SLC48A1: variants seen among roughly 807,000 people sequenced by gnomAD.
The protein encoded by SLC48A1 is solute carrier family 48 member 1, also known as heme transporter HRG1.
SLC48A1 carries 6 observed loss-of-function variants against 14.8 expected under a neutral mutation model. The observed-to-expected ratio is 0.41, with a 90% CI of 0.22 to 0.80. SLC48A1 has a LOEUF of 0.80. SLC48A1 is among the 30% of genes least tolerant of loss of function. SLC48A1 has a pLI of 0.34. For missense variants in SLC48A1, 165 were observed against 204.8 expected (o/e 0.81, Z 1.19); for synonymous variants, 89 against 90.0 (o/e 0.99, Z 0.06).
chr12:47,773,215 C>T (rs866458705), upstream of SLC48A1: 1 of 1,070,926 alleles, frequency 9.3e-7, no homozygotes. Context: ...GCTGCTCTGG[C>T]GGCTCCCGCG....
At chr12:47,761,686 C>T (rs1160537361) in intron 2 of SLC48A1, among the ~76,000 whole-genome samples, 1 of 152,188 alleles carries the variant, frequency 6.6e-6, no homozygotes, top group Non-Finnish European at 1.5e-5. Flanking sequence ...ACAATCATGC[C>T]ATGTCCTGGT....
At chr12:47,776,803 A>T (rs1448595720) in intron 1 of SLC48A1, among the ~76,000 whole-genome samples, 1 of 152,206 alleles carries the variant, frequency 6.6e-6, no homozygotes, top group Non-Finnish European at 1.5e-5. Context: ...GATCGTGGCC[A>T]GTGGACTAAG....
rs1942695078 is a variant in SLC48A1 at position 47,774,358 on chromosome 12, CCTTA to C, written c.136+920_136+923del. 4.6e-5 allele frequency among the ~76,000 whole-genome samples: 7 copies of C among 152,300 alleles called. No homozygotes were observed. In the South Asian group the frequency reaches 1.5e-3, roughly 32 times the overall value. On this transcript the variant is annotated intron_variant, in intron 1 of 2. Coordinates refer to ENST00000442218, the MANE Select transcript of SLC48A1 (RefSeq NM_017842.3). ...ACCTGCTTCCCTTATTTCATTTAATCCTTACATTAGTCTCATGAAGTAGGCCTTA... is the reference window on the plus strand; with the variant it reads ...ACCTGCTTCCCTTATTTCATTTAATCCATTAGTCTCATGAAGTAGGCCTTA...
chr12:47,780,686 C>T lies in SLC48A1; in HGVS notation c.*405C>T. 2.5e-6 allele frequency: 1 copy of T among 403,294 alleles called. No individual in the cohort carries two copies. The allele number at this position is 403,294 out of a possible 1,614,324, so 25.0% of individuals were successfully genotyped here. Reference sequence around the variant, plus strand: ...GGTTCAAGCAATTCTCCTGCCTTGGCCTCTCAAGTAGCTGGGATTACAGGC... The same window carrying T: ...GGTTCAAGCAATTCTCCTGCCTTGGTCTCTCAAGTAGCTGGGATTACAGGC... On this transcript the variant is annotated 3_prime_UTR_variant, in exon 3 of 3. Coordinates refer to ENST00000442218, the MANE Select transcript of SLC48A1 (RefSeq NM_017842.3).
chr12:47,756,941 C>G (rs1476233469), upstream of SLC48A1, among the ~76,000 whole-genome samples: 1 of 151,244 alleles, frequency 6.6e-6, no homozygotes, highest in Non-Finnish European at 1.5e-5. Context: ...TGCACTCCAG[C>G]CTGGTGACAG....
At chr12:47,754,406 T>C (rs1198201734), upstream of SLC48A1, among the ~76,000 whole-genome samples, 1 of 152,208 alleles carries the variant, frequency 6.6e-6, no homozygotes, top group African/African-American at 2.4e-5. Context: ...GCCAACCTTC[T>C]AGGATGGGGC....
chr12:47,761,356 T>C (rs1942376516), intron 2 of SLC48A1, among the ~76,000 whole-genome samples: 1 of 152,350 alleles, frequency 6.6e-6, no homozygotes, highest in South Asian at 2.1e-4. Context: ...GCCTTTCTTT[T>C]TTCCATTTCT....
chr12:47,762,497 C>A (rs769249229), intron 2 of SLC48A1, among the ~76,000 whole-genome samples: 65 of 152,240 alleles, frequency 4.3e-4, no homozygotes, highest in Non-Finnish European at 2.6e-4. Context: ...CGGCTTGATT[C>A]AACCAGTGAA....
upstream of SLC48A1, chr12:47,758,269 T>C: frequency 7.0e-7 from 1 of 1,431,906 alleles, no homozygotes; most frequent in Non-Finnish European, 9.1e-7. Flanking sequence ...CTGGCGCACT[T>C]AGGGGTCTCC....
chr12:47,775,804 G>A (rs1942740845), intron 1 of SLC48A1, among the ~76,000 whole-genome samples: 1 of 152,142 alleles, frequency 6.6e-6, no homozygotes, highest in Admixed American at 6.5e-5. Context: ...AGTGTTCACG[G>A]GTGGGGATAC....
At chr12:47,756,707 A>G (rs1942074672), upstream of SLC48A1, among the ~76,000 whole-genome samples, 1 of 152,194 alleles carries the variant, frequency 6.6e-6, no homozygotes, top group Non-Finnish European at 1.5e-5. Context: ...GCAATGGCTC[A>G]TGCTTGTAAT....
chr12:47,759,309 A>G (rs1942291796), intron 1 of SLC48A1, among the ~76,000 whole-genome samples: 2 of 152,288 alleles, frequency 1.3e-5, no homozygotes, highest in Admixed American at 1.3e-4. Context: ...GTTTCGGTTC[A>G]GGGTCTCCAG....
rs1289586526 is a variant in SLC48A1, at chr12:47,777,553, C to T, written c.137-1475C>T. On this transcript the variant is annotated intron_variant, in intron 1 of 2. Coordinates refer to ENST00000442218, the MANE Select transcript of SLC48A1 (RefSeq NM_017842.3). This position sits in a 1 kb window ranked among gnomAD's most constrained non-coding sequence, Gnocchi z 4.5. ...CTCCTGGTTTCTTGGCTTGGAGTCT[C>T]ATGGGTTTTTGTTCCTCACTGGACT... 6.6e-6 allele frequency among the ~76,000 whole-genome samples: 1 copy of T among 152,236 alleles called. No homozygotes were observed. The highest frequency in any genetic ancestry group is 1.5e-5 in the Non-Finnish European group (1 of 68,052).
Position 47,777,129 on chromosome 12 carries a change from G to A in SLC48A1, c.137-1899G>A, listed in dbSNP as rs1400568996. Among the ~76,000 whole-genome samples the A allele has an allele frequency of 6.6e-6, 1 of 152,140 alleles. No homozygotes were observed. Among genetic ancestry groups the A allele is most frequent in the East Asian group, 1.9e-4 (1 of 5,196 alleles). ...ATGGGACACATGTGAGGAGTGGGAG[G>A]GACTTCTGTGAAAGGTGGCTGGTAT... is the stretch of plus-strand genomic sequence containing the variant. On this transcript the variant is annotated intron_variant, in intron 1 of 2. Coordinates refer to ENST00000442218, the MANE Select transcript of SLC48A1 (RefSeq NM_017842.3). This position sits in a 1 kb window ranked among gnomAD's most constrained non-coding sequence, Gnocchi z 4.5.
intron 1 of SLC48A1, chr12:47,778,291 A>G (rs972842363): frequency 6.6e-6 from 1 of 152,362 alleles, no homozygotes; most frequent in African/African-American, 2.4e-5. Context: ...GCAGGTGGTG[A>G]TGGCCTGCCC....
chr12:47,765,633 G>A (rs1432512030), intron 2 of SLC48A1, among the ~76,000 whole-genome samples: 2 of 152,200 alleles, frequency 1.3e-5, no homozygotes, highest in Admixed American at 1.3e-4. Flanking sequence ...GTCTGGCTCT[G>A]CACCCACCTC....
chr12:47,762,763 A>G (rs1246867791), intron 2 of SLC48A1, among the ~76,000 whole-genome samples: 1 of 152,100 alleles, frequency 6.6e-6, no homozygotes, highest in Non-Finnish European at 1.5e-5. Flanking sequence ...CATATTCCTA[A>G]ACACCATTGT....
At position 47,780,310 on chromosome 12, in the gene SLC48A1, G is replaced by A. The variant is rs752158395; in HGVS notation, c.*29G>A. ...AGGGGGTGAGGTCTCTGCACCCTGGGGGGGCCTTAGGACCTGGACTCAGCC... is the reference window on the plus strand; with the variant it reads ...AGGGGGTGAGGTCTCTGCACCCTGGAGGGGCCTTAGGACCTGGACTCAGCC... On this transcript the variant is annotated 3_prime_UTR_variant, in exon 3 of 3. Coordinates refer to ENST00000442218, the MANE Select transcript of SLC48A1 (RefSeq NM_017842.3). 9 of 1,614,080 alleles carry A rather than the reference G, an allele frequency of 5.6e-6. No homozygotes were observed. In the East Asian group the frequency reaches 2.0e-4, roughly 36 times the overall value.
intron 1 of SLC48A1, among the ~76,000 whole-genome samples, chr12:47,775,688 A>G (rs571983461): frequency 6.6e-6 from 1 of 152,314 alleles, no homozygotes; most frequent in African/African-American, 2.4e-5. Context: ...GAGTCACCCA[A>G]GGGTAGCCCC....
Sources: allele counts gnomAD v4.1 joint callset (sites outside exome capture counted in the v4.1 genomes callset), GRCh38; gene constraint gnomAD v4.1.1; non-coding constraint Gnocchi (gnomAD v3.1); transcripts MANE v1.5; gene names NCBI Gene and HGNC (gene_info 2026-07-23, HGNC 2026-07-21).